The following SPTBN1 variants were observed in gnomAD, a reference collection of about 807,000 sequenced individuals.
SPTBN1 encodes the protein spectrin beta chain, non-erythrocytic 1.
A neutral mutation model predicts 266.4 loss-of-function variants in SPTBN1; 32 were observed. That is an observed-to-expected ratio of 0.12 (90% CI 0.09 to 0.16). SPTBN1 has a LOEUF of 0.16. Ranked by LOEUF, SPTBN1 falls within the 10% of genes least tolerant of loss-of-function variation. SPTBN1 has a pLI of 1.00. For synonymous variants in SPTBN1, 1,336 were observed against 1,162.2 expected, an observed-to-expected ratio of 1.15 and a Z score of -3.04; for missense variants, 2,296 against 3,067.1, an observed-to-expected ratio of 0.75 and a Z score of 5.94.
chr2:54,531,994 A>G (rs1261854072), intron 2 of SPTBN1, among the ~76,000 whole-genome samples: 1 of 152,174 alleles, frequency 6.6e-6, no homozygotes, highest in Non-Finnish European at 1.5e-5. Flanking sequence ...GTGTTTTAAG[A>G]AAATAATTAG....
At position 54,653,396 on chromosome 2, in the gene SPTBN1, TA is replaced by T; in HGVS notation, c.5578-210del. The T allele has an allele frequency of 1.6e-6, 1 of 644,364 alleles. No homozygotes were observed. Among genetic ancestry groups the T allele is most frequent in the Non-Finnish European group, 2.4e-6 (1 of 410,482 alleles). 39.9% of individuals were successfully genotyped at this position (644,364 alleles called of 1,614,324 possible). On this transcript the variant is annotated intron_variant, in intron 26 of 35. Coordinates refer to ENST00000356805, the MANE Select transcript of SPTBN1 (RefSeq NM_003128.3). The surrounding 1 kb of genome is among the most constrained non-coding windows in gnomAD (Gnocchi z 5.1). Reference sequence around the variant, plus strand: ...AGCATTTCATTTGTTTTATCATTCATAAAGAACTTAATAATGTAGTTGAACA... The same window carrying T: ...AGCATTTCATTTGTTTTATCATTCATAAGAACTTAATAATGTAGTTGAACA...
At chr2:54,559,271 G>C (rs2104462338) in intron 2 of SPTBN1, among the ~76,000 whole-genome samples, 1 of 152,306 alleles carries the variant, frequency 6.6e-6, no homozygotes, top group South Asian at 2.1e-4. Context: ...AAGCTTTAAA[G>C]GTGTAAAGTG....
intron 1 of SPTBN1, among the ~76,000 whole-genome samples, chr2:54,493,776 G>C (rs1253301865): frequency 6.6e-6 from 1 of 152,218 alleles, no homozygotes; most frequent in Non-Finnish European, 1.5e-5. Flanking sequence ...ATAGATATTT[G>C]CAGGTGAAAT....
At chr2:54,607,284 A>G (rs1470551906) in intron 3 of SPTBN1, among the ~76,000 whole-genome samples, 1 of 152,280 alleles carries the variant, frequency 6.6e-6, no homozygotes, top group Non-Finnish European at 1.5e-5. Flanking sequence ...AACTATTTAC[A>G]TACCATTTAT....
At chr2:54,596,541 G>A (rs922708392) in intron 2 of SPTBN1, among the ~76,000 whole-genome samples, 8 of 152,150 alleles carry the variant, frequency 5.3e-5, no homozygotes, top group African/African-American at 1.7e-4. Flanking sequence ...TTTCCAACGT[G>A]GGGGTGTGAA....
At chr2:54,655,369 G>A (rs1427838119) in intron 28 of SPTBN1, among the ~76,000 whole-genome samples, 161 bp downstream of exon 28, 1 of 152,198 alleles carries the variant, frequency 6.6e-6, no homozygotes, top group East Asian at 1.9e-4. Flanking sequence ...ATGCAATTAT[G>A]CAAGACTCTA....
At chr2:54,486,687 C>T (rs1443130238) in intron 1 of SPTBN1, among the ~76,000 whole-genome samples, 3 of 151,392 alleles carry the variant, frequency 2.0e-5, no homozygotes, top group Non-Finnish European at 4.4e-5. Flanking sequence ...GCCAAATCCC[C>T]CTCTGCGAGA....
intron 1 of SPTBN1, among the ~76,000 whole-genome samples, chr2:54,504,570 G>A (rs891560431): frequency 7.2e-5 from 11 of 152,158 alleles, no homozygotes; most frequent in African/African-American, 1.4e-4. Context: ...ATGTGTAGGC[G>A]TTGTATTAGG....
At chr2:54,541,414 C>G (rs1327600644) in intron 2 of SPTBN1, among the ~76,000 whole-genome samples, 1 of 152,218 alleles carries the variant, frequency 6.6e-6, no homozygotes, top group South Asian at 2.1e-4. Context: ...TTGAGAAATA[C>G]AGGATGGAGA....
chr2:54,469,164 GC>G (rs1693787864), intron 1 of SPTBN1, among the ~76,000 whole-genome samples: 1 of 152,148 alleles, frequency 6.6e-6, no homozygotes, highest in Non-Finnish European at 1.5e-5. Flanking sequence ...GGCCTTTGTT[GC>G]CTTTAACTCT....
chr2:54,537,378 A>G (rs1415524203), intron 2 of SPTBN1, among the ~76,000 whole-genome samples: 1 of 152,248 alleles, frequency 6.6e-6, no homozygotes, highest in African/African-American at 2.4e-5. Context: ...CTTTTATACC[A>G]GATCATGGCC....
chr2:54,660,713 C>G, intron 32 of SPTBN1: 2 of 985,444 alleles, frequency 2.0e-6, no homozygotes, highest in Non-Finnish European at 2.4e-6. Context: ...ACTAGTTCCT[C>G]TCTTTTTTTC....
At chr2:54,480,422 C>G (rs1668038662) in intron 1 of SPTBN1, among the ~76,000 whole-genome samples, 1 of 152,222 alleles carries the variant, frequency 6.6e-6, no homozygotes, top group Non-Finnish European at 1.5e-5. Flanking sequence ...ATGAACAACA[C>G]ATCGTTTTTT....
At chr2:54,595,788 A>G (rs995996244) in intron 2 of SPTBN1, among the ~76,000 whole-genome samples, 1 of 152,150 alleles carries the variant, frequency 6.6e-6, no homozygotes, top group Admixed American at 6.5e-5. Context: ...ATTGTTTGTT[A>G]TGGGAGCCAT....
At chr2:54,582,050 T>C (rs1441685139) in intron 2 of SPTBN1, among the ~76,000 whole-genome samples, 1 of 151,972 alleles carries the variant, frequency 6.6e-6, no homozygotes, top group Admixed American at 6.5e-5. Flanking sequence ...GAGAAAAAAA[T>C]ACATCTGGAA....
intron 19 of SPTBN1, 77 bp from the exon 20 acceptor site, chr2:54,644,246 C>T (rs1679775992): frequency 3.3e-6 from 5 of 1,528,042 alleles, no homozygotes; most frequent in African/African-American, 2.8e-5. Flanking sequence ...ATCAAATGTC[C>T]TAGGTTTGTT....
At chr2:54,620,515 G>A in intron 7 of SPTBN1, among the ~76,000 whole-genome samples, 1 of 152,162 alleles carries the variant, frequency 6.6e-6, no homozygotes. Context: ...TAGGTACAGT[G>A]GCTCTCATCT....
At position 54,664,473 on chromosome 2, in the gene SPTBN1, A is replaced by T. The variant is rs773832125; in HGVS notation, c.6441A>T (p.Thr2147=). Reference sequence around the variant, plus strand: ...CCTAGATGGCAGAAACGGTGGACACAAGCGAAATGGTCAACGGCGCTACAG... The same window carrying T: ...CCTAGATGGCAGAAACGGTGGACACTAGCGAAATGGTCAACGGCGCTACAG... ...GSPRMAETVD[T]SEMVNGATEQ... is the part of the protein sequence containing the mutation. Residue 2147 remains threonine, a synonymous_variant, in exon 33 of 36, where the codon ACA becomes ACT. Coordinates refer to ENST00000356805, the MANE Select transcript of SPTBN1 (RefSeq NM_003128.3). This position sits in a 1 kb window ranked among gnomAD's most constrained non-coding sequence, Gnocchi z 5.6. 2 of 1,612,802 alleles carry T rather than the reference A, an allele frequency of 1.2e-6. No homozygotes were observed. The highest frequency in any genetic ancestry group is 2.2e-5 in the South Asian group (2 of 91,064).
intron 1 of SPTBN1, among the ~76,000 whole-genome samples, chr2:54,487,613 A>G (rs986569186): frequency 6.6e-6 from 1 of 152,098 alleles, no homozygotes; most frequent in Admixed American, 6.5e-5. Flanking sequence ...ACATTTCTTC[A>G]TTAATAATTA....
Sources: gnomAD v4.1 joint callset for allele counts (sites outside exome capture counted in the v4.1 genomes callset) on GRCh38, gnomAD v4.1.1 for gene constraint, Gnocchi (gnomAD v3.1) non-coding constraint, MANE v1.5 for transcripts, NCBI Gene and HGNC (gene_info 2026-07-23, HGNC 2026-07-21) for gene names.